The following TSHZ3 variants were observed in gnomAD, a reference collection of about 807,000 sequenced individuals.
TSHZ3 encodes the protein teashirt homolog 3.
A neutral mutation model predicts 64.5 loss-of-function variants in TSHZ3; 10 were observed. That is an observed-to-expected ratio of 0.16 (90% confidence interval 0.10 to 0.26). The LOEUF (loss-of-function observed/expected upper bound fraction) is 0.26. Ranked by LOEUF, TSHZ3 falls within the 10% of genes least tolerant of loss-of-function variation. TSHZ3 has a pLI of 1.00. For synonymous variants in TSHZ3, 608 were observed against 593.1 expected (o/e 1.03, Z -0.36); for missense variants, 1,242 against 1,421.7 (o/e 0.87, Z 2.03).
rs147173077 is a variant in TSHZ3, at chr19:31,165,365, CTTTTAAAAAACACA to C, written n.810-8962_810-8949del. 8.8e-3 allele frequency among the ~76,000 whole-genome samples: 1,339 copies of C among 152,230 alleles called. 21 individuals carry two copies. Among genetic ancestry groups the C allele is most frequent in the African/African-American group, 0.031 (1,269 of 41,526 alleles). On this transcript the variant is annotated intron_variant and non_coding_transcript_variant, in intron 5 of 6. Coordinates refer to the TSHZ3 transcript ENST00000651361. ...TGTAGGATTTTTTCCCCACTGTGTC[CTTTTAAAAAACACA>C]TTTTTTTTCATGACATGAACCTCTT...
chr19:31,163,460 A>C (rs1169272338), intron 5 of TSHZ3, among the ~76,000 whole-genome samples: 1 of 152,188 alleles, frequency 6.6e-6, no homozygotes, highest in African/African-American at 2.4e-5. Flanking sequence ...GGCTGGGCAC[A>C]GTGGCTCAGG....
In TSHZ3 at chr19:31,277,439, T is replaced by C; in HGVS notation, c.2354A>G (p.Asn785Ser). 3 of 1,614,068 alleles carry C rather than the reference T, an allele frequency of 1.9e-6. No homozygotes were observed. Among genetic ancestry groups the C allele is most frequent in the Non-Finnish European group, 2.5e-6 (3 of 1,179,992 alleles). The change falls in exon 2 of 2, where the codon AAC (asparagine) becomes AGC (serine). Residue 785 changes from asparagine (N) to serine (S), a missense_variant. Asn to Ser is a conservative substitution (Grantham distance 46). This residue lies in a region of TSHZ3 where 550 missense variants were observed against 545.1 expected (regional missense o/e 1.01). Coordinates refer to ENST00000240587, the MANE Select transcript of TSHZ3 (RefSeq NM_020856.4). This position sits in a 1 kb window ranked among gnomAD's most constrained non-coding sequence, Gnocchi z 4.5. Reference sequence around the variant, plus strand: ...TGTCAAGTCTATGGGCTGGTCGTTGTTGACGTGGTAGAAATAGCGGTCGAG... The same window carrying C: ...TGTCAAGTCTATGGGCTGGTCGTTGCTGACGTGGTAGAAATAGCGGTCGAG... ...DHLDRYFYHV[N>S]NDQPIDLTKG...
chr19:31,185,277 A>G (rs957017594), intron 5 of TSHZ3, among the ~76,000 whole-genome samples: 12 of 152,174 alleles, frequency 7.9e-5, no homozygotes, highest in Admixed American at 1.3e-4. Context: ...CAAGGCAGCC[A>G]GGGGCCAACT....
At chr19:31,166,200 A>C (rs1390171690) in intron 5 of TSHZ3, among the ~76,000 whole-genome samples, 1 of 152,208 alleles carries the variant, frequency 6.6e-6, no homozygotes, top group African/African-American at 2.4e-5. Flanking sequence ...TGAGCCACTG[A>C]GAAGAGAGGG....
intron 3 of TSHZ3, among the ~76,000 whole-genome samples, chr19:31,236,860 A>G (rs568606829): frequency 1.3e-5 from 2 of 152,336 alleles, no homozygotes; most frequent in African/African-American, 4.8e-5. Context: ...AAAAGAAACA[A>G]TCAACAGGCT....
At chr19:31,333,122 A>AAATAAATT (rs1917141751) in intron 1 of TSHZ3, among the ~76,000 whole-genome samples, 1 of 150,076 alleles carries the variant, frequency 6.7e-6, no homozygotes, top group Non-Finnish European at 1.5e-5. Context: ...ATAAATAAAT[A>AAATAAATT]AATAAATAAA....
chr19:31,233,011 T>A (rs1486856663), intron 3 of TSHZ3, among the ~76,000 whole-genome samples: 2 of 152,198 alleles, frequency 1.3e-5, no homozygotes, highest in Non-Finnish European at 2.9e-5. Flanking sequence ...CTATTATGAA[T>A]AAAGCTGCTA....
In TSHZ3 at chr19:31,206,317, A is replaced by T. The variant is rs190392523; in HGVS notation, n.687-1239T>A. ...GGTGAATAGATGGGTGGGTGGATGG[A>T]TGGATGGATAGATGGATGAGAGAAT... On this transcript the variant is annotated intron_variant and non_coding_transcript_variant, in intron 4 of 6. Transcript: ENST00000651361. 7.9e-5 allele frequency among the ~76,000 whole-genome samples: 12 copies of T among 152,122 alleles called. No homozygotes were observed. In the East Asian group the frequency reaches 2.1e-3, roughly 27 times the overall value.
chr19:31,296,459 C>T (rs917013146), intron 1 of TSHZ3, among the ~76,000 whole-genome samples: 8 of 151,324 alleles, frequency 5.3e-5, no homozygotes, highest in East Asian at 2.0e-4. Context: ...CTCAGCCTCC[C>T]GAGTAGCTGG....
chr19:31,350,228 G>A (rs1435246869), upstream of TSHZ3, among the ~76,000 whole-genome samples: 6 of 149,774 alleles, frequency 4.0e-5, no homozygotes, highest in Admixed American at 1.3e-4. Context: ...GCGCGGGCCG[G>A]GGCGGGTGGG....
intron 3 of TSHZ3, among the ~76,000 whole-genome samples, chr19:31,234,731 G>C (rs544547430): frequency 2.0e-5 from 3 of 152,296 alleles, no homozygotes; most frequent in Non-Finnish European, 4.4e-5. Context: ...CTGAGATGCA[G>C]TCTTCATATA....
intron 1 of TSHZ3, among the ~76,000 whole-genome samples, chr19:31,319,967 C>T (rs761748636): frequency 1.3e-5 from 2 of 151,994 alleles, no homozygotes; most frequent in African/African-American, 4.8e-5. Flanking sequence ...GAGTTTCTTG[C>T]CAAATCATCC....
At chr19:31,173,053 G>T (rs536654711) in intron 5 of TSHZ3, among the ~76,000 whole-genome samples, 1 of 152,308 alleles carries the variant, frequency 6.6e-6, no homozygotes, top group South Asian at 2.1e-4. Flanking sequence ...GTCCTTTGTA[G>T]GGCTCTTGAG....
At chr19:31,337,404 T>C (rs1183483142) in intron 1 of TSHZ3, among the ~76,000 whole-genome samples, 3 of 152,198 alleles carry the variant, frequency 2.0e-5, no homozygotes, top group Admixed American at 2.0e-4. Flanking sequence ...GTTTTTCTAA[T>C]CAGTAAAAAT....
chr19:31,243,254 C>T lies in TSHZ3; in HGVS notation n.64-379G>A, dbSNP rs562490494. ...ATTGATGGATTTTTTTTCTCCACTG[C>T]ACTTAGAAGAACTACAACCCCAAAT... On this transcript the variant is annotated intron_variant and non_coding_transcript_variant, in intron 1 of 6. Coordinates refer to the TSHZ3 transcript ENST00000651361. Among the ~76,000 whole-genome samples the T allele has an allele frequency of 5.9e-5, 9 of 152,226 alleles. No individual in the cohort carries two copies. The East Asian group carries it at 1.2e-3, about 20-fold the overall frequency.
intron 5 of TSHZ3, among the ~76,000 whole-genome samples, chr19:31,173,899 G>A (rs575135747): frequency 2.0e-4 from 30 of 152,186 alleles, no homozygotes; most frequent in Admixed American, 3.3e-4. Context: ...GTGAAACCCC[G>A]TCTCTACTAA....
Position 31,328,360 on chromosome 19 carries a change from G to A in TSHZ3, c.40+20820C>T, listed in dbSNP as rs534199686. ...CATATAGCATCAGCTATAAAACAGCGGGGACTGCGGGCCACGTTGGCACCT... is the reference window on the plus strand; with the variant it reads ...CATATAGCATCAGCTATAAAACAGCAGGGACTGCGGGCCACGTTGGCACCT... On this transcript the variant is annotated intron_variant, in intron 1 of 1. Transcript: ENST00000240587. Among the ~76,000 whole-genome samples, 10 of 152,340 alleles carry A rather than the reference G, an allele frequency of 6.6e-5. No individual in the cohort carries two copies. In the South Asian group the frequency reaches 1.0e-3, roughly 16 times the overall value.
chr19:31,237,773 G>A (rs1456251157), intron 3 of TSHZ3, among the ~76,000 whole-genome samples: 1 of 152,072 alleles, frequency 6.6e-6, no homozygotes, highest in East Asian at 1.9e-4. Context: ...GCTGTACACT[G>A]CACCCAACAA....
chr19:31,309,860 C>T (rs578135416), intron 1 of TSHZ3, among the ~76,000 whole-genome samples: 1 of 152,238 alleles, frequency 6.6e-6, no homozygotes, highest in East Asian at 1.9e-4. Context: ...CGGTCATTTC[C>T]ATCATGGTAC....
Sources: gnomAD v4.1 joint callset for allele counts (sites outside exome capture counted in the v4.1 genomes callset) on GRCh38, gnomAD v4.1.1 for gene constraint, gnomAD v4.1.1 regional missense constraint, Gnocchi (gnomAD v3.1) non-coding constraint, MANE v1.5 for transcripts, NCBI Gene and HGNC (gene_info 2026-07-23, HGNC 2026-07-21) for gene names.